DAB1: variants seen among roughly 807,000 people sequenced by gnomAD.
DAB1 encodes the protein disabled homolog 1.
DAB1 carries 15 observed loss-of-function variants against 64.6 expected under a neutral mutation model. The observed-to-expected ratio is 0.23, with a 90% confidence interval of 0.16 to 0.36. DAB1 has a LOEUF of 0.36. Among genes scored for constraint, DAB1 ranks in the 10% least tolerant of loss-of-function variants. DAB1 has a pLI of 1.00. For missense variants in DAB1, 596 were observed against 706.7 expected (o/e 0.84, Z 1.78); for synonymous variants, 235 against 251.9 (o/e 0.93, Z 0.64).
intron 6 of DAB1, among the ~76,000 whole-genome samples, chr1:57,764,488 C>T (rs1485944096): frequency 6.6e-6 from 1 of 152,112 alleles, no homozygotes; most frequent in African/African-American, 2.4e-5. Flanking sequence ...TACTATAGTC[C>T]TCCTACAATG....
upstream of DAB1, among the ~76,000 whole-genome samples, chr1:57,886,320 G>A (rs966125366): frequency 3.3e-5 from 5 of 152,080 alleles, no homozygotes; most frequent in African/African-American, 4.8e-5. Flanking sequence ...CAACACGCCT[G>A]GCTAATTTTT....
intron 1 of DAB1, among the ~76,000 whole-genome samples, chr1:57,386,375 A>C (rs1028138782): frequency 2.0e-5 from 3 of 150,192 alleles, no homozygotes; most frequent in Non-Finnish European, 4.4e-5. Context: ...GGAAAAAAAA[A>C]AAAAAAAAAA....
At chr1:58,489,067 T>G (rs575806833) in intron 3 of DAB1, among the ~76,000 whole-genome samples, 1 of 152,288 alleles carries the variant, frequency 6.6e-6, no homozygotes, top group Admixed American at 6.5e-5. Context: ...ACTGGGTGCA[T>G]CTCACTGGGG....
chr1:57,397,417 A>T (rs771620442), intron 1 of DAB1, among the ~76,000 whole-genome samples: 10 of 152,170 alleles, frequency 6.6e-5, no homozygotes, highest in Non-Finnish European at 1.5e-4. Context: ...TTTTTGAGAG[A>T]TTATCTATTT....
chr1:57,692,359 C>A (rs1215366936), intron 6 of DAB1, among the ~76,000 whole-genome samples: 3 of 151,560 alleles, frequency 2.0e-5, no homozygotes, highest in Non-Finnish European at 4.4e-5. Flanking sequence ...CTGGCAGAGG[C>A]AGGGAAAGAC....
At chr1:58,175,175 G>C (rs1656398760) in intron 4 of DAB1, among the ~76,000 whole-genome samples, 1 of 152,136 alleles carries the variant, frequency 6.6e-6, no homozygotes, top group Non-Finnish European at 1.5e-5. Flanking sequence ...TCACCACGAG[G>C]GTCTGCAGCT....
intron 3 of DAB1, among the ~76,000 whole-genome samples, chr1:58,454,652 C>G (rs552001746): frequency 2.6e-5 from 4 of 152,152 alleles, no homozygotes; most frequent in Admixed American, 1.3e-4. Flanking sequence ...TGCTCCCCAC[C>G]ACCTGGGGAC....
At chr1:58,047,185 A>C (rs370355946) in intron 5 of DAB1, among the ~76,000 whole-genome samples, 1 of 152,242 alleles carries the variant, frequency 6.6e-6, no homozygotes, top group African/African-American at 2.4e-5. Flanking sequence ...ATGGGCTATG[A>C]ATGCAAGCCA....
In DAB1 at chr1:58,064,697, G is replaced by T. The variant is rs60519318; in HGVS notation, n.387+85814C>A. On this transcript the variant is annotated intron_variant and non_coding_transcript_variant, in intron 5 of 20. Transcript: ENST00000485760. ...TAGATAAATTTTTTTATTTATTTAT[G>T]TATTTATTTATGTATTTATGTATTT... Among the ~76,000 whole-genome samples the T allele has an allele frequency of 9.0e-5, 10 of 111,410 alleles. No homozygotes were observed. In the South Asian group the frequency reaches 3.5e-3, roughly 39 times the overall value. The allele number at this position is 111,410 out of a possible 152,430, so 73.1% of individuals were successfully genotyped here.
chr1:57,331,022 A>G (rs1179354845), intron 1 of DAB1, among the ~76,000 whole-genome samples: 1 of 152,060 alleles, frequency 6.6e-6, no homozygotes, highest in Non-Finnish European at 1.5e-5. Flanking sequence ...AGTTCATACC[A>G]AAGTACCTTG....
intron 12 of DAB1, among the ~76,000 whole-genome samples, chr1:57,012,217 G>A (rs899403135): frequency 5.9e-5 from 9 of 152,152 alleles, no homozygotes; most frequent in African/African-American, 2.2e-4. Context: ...GTGAATGATT[G>A]TAAAACTTAG....
intron 1 of DAB1, chr1:57,864,704 T>C (rs1458373320): frequency 6.8e-6 from 1 of 147,166 alleles, no homozygotes; most frequent in Non-Finnish European, 1.5e-5. Flanking sequence ...ATTTATATTA[T>C]AGACACAGGG....
At chr1:57,907,639 C>A (rs1644573072) in intron 5 of DAB1, among the ~76,000 whole-genome samples, 1 of 152,070 alleles carries the variant, frequency 6.6e-6, no homozygotes, top group South Asian at 2.1e-4. Flanking sequence ...AGAAGTTAAT[C>A]CCCTGCCCCA....
At chr1:58,176,495 A>G (rs1207839631) in intron 4 of DAB1, among the ~76,000 whole-genome samples, 2 of 152,168 alleles carry the variant, frequency 1.3e-5, no homozygotes, top group Non-Finnish European at 2.9e-5. Flanking sequence ...TAATGAACGG[A>G]AATTCATTGG....
At chr1:57,813,069 G>A (rs549251286) in intron 6 of DAB1, among the ~76,000 whole-genome samples, 27 of 152,238 alleles carry the variant, frequency 1.8e-4, no homozygotes, top group African/African-American at 4.8e-4. Flanking sequence ...TTAAACATAC[G>A]TATGTATATC....
chr1:57,687,599 CAAAAAAAAAAAAA>C (rs57316234), intron 6 of DAB1, among the ~76,000 whole-genome samples: 14 of 82,438 alleles, frequency 1.7e-4, no homozygotes, highest in African/African-American at 6.1e-4. Flanking sequence ...TCTTAAGAAA[CAAAAAAAAAAAAA>C]AAAAAAAGAA....
intron 5 of DAB1, among the ~76,000 whole-genome samples, chr1:58,148,788 C>A (rs1654760864): frequency 6.6e-6 from 1 of 151,936 alleles, no homozygotes; most frequent in African/African-American, 2.4e-5. Context: ...CCCCCCCCAA[C>A]CTCATGATTC....
intron 6 of DAB1, among the ~76,000 whole-genome samples, chr1:57,717,875 G>GA (rs1422066031): frequency 1.3e-5 from 2 of 152,050 alleles, no homozygotes; most frequent in Non-Finnish European, 2.9e-5. Context: ...CTCATGCAAA[G>GA]AAAGACAAAA....
intron 4 of DAB1, among the ~76,000 whole-genome samples, chr1:57,081,124 T>G (rs1652498313): frequency 6.6e-6 from 1 of 152,234 alleles, no homozygotes; most frequent in Non-Finnish European, 1.5e-5. Context: ...ATAGAAGGAT[T>G]TGAATCCTTC....
Sources: gnomAD v4.1 joint callset for allele counts (sites outside exome capture counted in the v4.1 genomes callset) on GRCh38, gnomAD v4.1.1 for gene constraint, MANE v1.5 for transcripts, NCBI Gene and HGNC (gene_info 2026-07-23, HGNC 2026-07-21) for gene names.